Variants in CAMK2G observed in about 807,000 individuals in gnomAD.
CAMK2G encodes the protein calcium/calmodulin dependent protein kinase II gamma.
A neutral mutation model predicts 88.7 loss-of-function variants in CAMK2G; 23 were observed. That is an observed-to-expected ratio of 0.26 (90% CI 0.19 to 0.37). The LOEUF is 0.37. Ranked by LOEUF, CAMK2G falls within the 10% of genes least tolerant of loss-of-function variation. The probability of loss-of-function intolerance (pLI) is 1.00; values close to 1 mark genes in which losing one functional copy is unlikely to be tolerated. For synonymous variants in CAMK2G, 263 were observed against 294.8 expected (o/e 0.89, Z 1.11); for missense variants, 476 against 780.8 (o/e 0.61, Z 4.65).
At chr10:73,818,582 C>A in intron 19 of CAMK2G, 1 of 414,812 alleles carries the variant, frequency 2.4e-6, no homozygotes, top group Non-Finnish European at 4.9e-6. Flanking sequence ...CCAGCACAGC[C>A]AAGCAGCACA....
chr10:73,824,004 C>T (rs1201428628), intron 17 of CAMK2G, 36 bp downstream of exon 17: 1 of 1,581,544 alleles, frequency 6.3e-7, no homozygotes. Flanking sequence ...CTCCTGCTGA[C>T]CTGGAAAGCA....
At chr10:73,828,199 G>T in intron 14 of CAMK2G, 78 bp from the exon 15 acceptor site, 1 of 1,200,172 alleles carries the variant, frequency 8.3e-7, no homozygotes, top group Non-Finnish European at 1.2e-6. Flanking sequence ...CTGCAGGTTA[G>T]CGCACCAGTG....
At chr10:73,870,730 T>A (rs899482928) in intron 2 of CAMK2G, among the ~76,000 whole-genome samples, 9 of 152,236 alleles carry the variant, frequency 5.9e-5, no homozygotes, top group Non-Finnish European at 7.4e-5. Flanking sequence ...TGCGGAGACC[T>A]AGGCAGACAG....
intron 5 of CAMK2G, among the ~76,000 whole-genome samples, chr10:73,849,828 T>C (rs1179686948): frequency 6.6e-6 from 1 of 152,156 alleles, no homozygotes; most frequent in Admixed American, 6.5e-5. Flanking sequence ...GTGCCTAGGA[T>C]AATGAAGATG....
At chr10:73,827,763 C>T (rs2091436147) in intron 15 of CAMK2G, among the ~76,000 whole-genome samples, 1 of 152,222 alleles carries the variant, frequency 6.6e-6, no homozygotes, top group Non-Finnish European at 1.5e-5. Flanking sequence ...AGCAGGGCCT[C>T]TCCTTCTGGG....
At chr10:73,832,584 C>T (rs1260382115) in intron 14 of CAMK2G, among the ~76,000 whole-genome samples, 2 of 152,284 alleles carry the variant, frequency 1.3e-5, no homozygotes, top group South Asian at 2.1e-4. Flanking sequence ...GGATTACAGG[C>T]GTGAGCCACC....
chr10:73,849,413 A>C, intron 5 of CAMK2G, 80 bp from the exon 6 acceptor site: 1 of 990,364 alleles, frequency 1.0e-6, no homozygotes, highest in Non-Finnish European at 1.6e-6. Context: ...GCTGCAGACT[A>C]AGGCATGTGA....
At position 73,819,582 on chromosome 10, in the gene CAMK2G, G is replaced by A; in HGVS notation, c.1313C>T (p.Thr438Ile). ...VPEGRSSRDRTAPSAGMQPQP... is the reference protein window; with the variant it reads ...VPEGRSSRDRIAPSAGMQPQP... Reference sequence around the variant, plus strand: ...GGGCTGCATGCCTGCAGAGGGGGCTGTTCTGTCCCGGGAGCTCCGTCCTTC... The same window carrying A: ...GGGCTGCATGCCTGCAGAGGGGGCTATTCTGTCCCGGGAGCTCCGTCCTTC... Residue 438 changes from threonine (T) to isoleucine (I), a missense_variant, in exon 19 of 23, where the codon ACA (threonine) becomes ATA (isoleucine). Thr to Ile is a moderately conservative substitution (Grantham distance 89). This residue lies in a region of CAMK2G where 278 missense variants were observed against 366.5 expected (regional missense o/e 0.76). Transcript: ENST00000423381. 6.5e-7 allele frequency: 1 copy of A among 1,549,014 alleles called. No homozygotes were observed. The highest frequency in any genetic ancestry group is 8.7e-7 in the Non-Finnish European group (1 of 1,146,932).
At chr10:73,837,622 G>A (rs563800373) in intron 13 of CAMK2G, 111 bp from the exon 14 acceptor site, 14 of 887,782 alleles carry the variant, frequency 1.6e-5, no homozygotes, top group South Asian at 1.6e-4. Context: ...GGGGCCAAGG[G>A]TCTCCCGAAA....
At chr10:73,818,349 A>G (rs2086453535) in intron 19 of CAMK2G, 2 of 241,692 alleles carry the variant, frequency 8.3e-6, no homozygotes, top group South Asian at 1.1e-4. Context: ...ACCCATCCAA[A>G]GCCAAGGGAC....
chr10:73,819,585 C>G lies in CAMK2G; in HGVS notation c.1310G>C (p.Arg437Thr). The change falls in exon 19 of 23, where the codon AGA becomes ACA. Residue 437 changes from arginine to threonine, a missense_variant. By Grantham distance (71) the Arg-to-Thr change is moderately conservative (BLOSUM62 -1). Transcript: ENST00000423381. Reference protein sequence around the residue: ...SVPEGRSSRDRTAPSAGMQPQ... With the variant: ...SVPEGRSSRDTTAPSAGMQPQ... ...CTGCATGCCTGCAGAGGGGGCTGTTCTGTCCCGGGAGCTCCGTCCTTCAGG... is the reference window on the plus strand; with the variant it reads ...CTGCATGCCTGCAGAGGGGGCTGTTGTGTCCCGGGAGCTCCGTCCTTCAGG... 6.5e-7 allele frequency: 1 copy of G among 1,548,978 alleles called. No individual in the cohort carries two copies. Among genetic ancestry groups the G allele is most frequent in the South Asian group, 1.2e-5 (1 of 83,992 alleles).
chr10:73,866,664 G>A (rs979054034), intron 2 of CAMK2G, among the ~76,000 whole-genome samples: 2 of 152,298 alleles, frequency 1.3e-5, no homozygotes, highest in Non-Finnish European at 2.9e-5. Context: ...ATGGATGTGA[G>A]AAACTTCCTG....
At chr10:73,831,301 A>G (rs995058633) in intron 14 of CAMK2G, among the ~76,000 whole-genome samples, 2 of 152,148 alleles carry the variant, frequency 1.3e-5, no homozygotes, top group Non-Finnish European at 2.9e-5. Flanking sequence ...GCACTTTGGG[A>G]GGCTGAGGCG....
At chr10:73,849,457 C>T (rs935566984) in intron 5 of CAMK2G, 124 bp from the exon 6 acceptor site, 5 of 665,732 alleles carry the variant, frequency 7.5e-6, no homozygotes, top group Admixed American at 4.7e-5. Flanking sequence ...AATCACTTAA[C>T]GGCCACTGGA....
rs1486709057 is a variant in CAMK2G at position 73,839,756 on chromosome 10, G to A, written c.947-155C>T. Among the ~76,000 whole-genome samples, 1 of 152,198 alleles carries A rather than the reference G, an allele frequency of 6.6e-6. No homozygotes were observed. The highest frequency in any genetic ancestry group is 1.5e-5 in the Non-Finnish European group (1 of 68,014). On this transcript the variant is annotated intron_variant, in intron 12 of 22. Transcript: ENST00000423381. This position sits in a 1 kb window ranked among gnomAD's most constrained non-coding sequence, Gnocchi z 4.2. ...CCAGGGGCAGGCTGAGGAGGTAGGC[G>A]CAGCCAGCCCTGCAGCAGTCTGGGG...
chr10:73,853,634 G>A (rs1275735957), intron 3 of CAMK2G, among the ~76,000 whole-genome samples: 1 of 152,216 alleles, frequency 6.6e-6, no homozygotes, highest in Non-Finnish European at 1.5e-5. Flanking sequence ...GACCAGATGG[G>A]AAAGCCAGAG....
Position 73,816,695 on chromosome 10 carries a change from G to A in CAMK2G, c.1534+328C>T, listed in dbSNP as rs1428561083. On this transcript the variant is annotated intron_variant, in intron 21 of 22. Transcript: ENST00000423381. ...AGGATGGCCTCGATCTCCTGACCTC[G>A]TGATCCGCCAGCCTCAGCCTCCCAA... 4 of 1,119,224 alleles carry A rather than the reference G, an allele frequency of 3.6e-6. No homozygotes were observed. In the South Asian group the frequency reaches 4.0e-5, roughly 11 times the overall value. 69.3% of individuals were successfully genotyped at this position (1,119,224 alleles called of 1,614,324 possible). A position where few individuals can be genotyped will look rare whatever the true frequency, so the allele number is the denominator to read the frequency against.
At chr10:73,828,953 A>G (rs1490359859) in intron 14 of CAMK2G, among the ~76,000 whole-genome samples, 1 of 152,244 alleles carries the variant, frequency 6.6e-6, no homozygotes, top group African/African-American at 2.4e-5. Context: ...CTGTGTCTAA[A>G]AAATGAAGGG....
intron 10 of CAMK2G, among the ~76,000 whole-genome samples, chr10:73,843,119 C>CT (rs2093939825): frequency 6.6e-6 from 1 of 151,000 alleles, no homozygotes; most frequent in Non-Finnish European, 1.5e-5. Flanking sequence ...GTCAGTCAGG[C>CT]TGGAGTGCAG....
Sources: allele counts gnomAD v4.1 joint callset (sites outside exome capture counted in the v4.1 genomes callset), GRCh38; gene constraint gnomAD v4.1.1; regional missense constraint gnomAD v4.1.1; non-coding constraint Gnocchi (gnomAD v3.1); transcripts MANE v1.5; gene names NCBI Gene and HGNC (gene_info 2026-07-23, HGNC 2026-07-21).